Variants in SUN1 observed in about 807,000 individuals in gnomAD.
SUN1 encodes SUN domain-containing protein 1.
In SUN1, 61 loss-of-function variants were observed where a neutral mutation model predicts 103.2. The observed-to-expected ratio is 0.59, with a 90% confidence interval of 0.48 to 0.73. The LOEUF (loss-of-function observed/expected upper bound fraction) is 0.73. Among genes scored for constraint, SUN1 ranks in the 30% least tolerant of loss-of-function variants. The pLI is 0.00. For missense variants in SUN1, 1,052 were observed against 1,034.6 expected (o/e 1.02, Z -0.23); for synonymous variants, 490 against 425.7 (o/e 1.15, Z -1.86).
At chr7:868,167 C>T (rs905929313) in intron 16 of SUN1, among the ~76,000 whole-genome samples, 1 of 152,238 alleles carries the variant, frequency 6.6e-6, no homozygotes, top group Non-Finnish European at 1.5e-5. Flanking sequence ...ATGCGTGTGT[C>T]GTCCTCACAC....
At chr7:815,692 G>T (rs1433838205), upstream of SUN1, among the ~76,000 whole-genome samples, 2 of 152,236 alleles carry the variant, frequency 1.3e-5, no homozygotes, top group African/African-American at 4.8e-5. Context: ...TCCCCAGCAC[G>T]GAGAAGAGAA....
At chr7:818,088 A>G (rs1301499195) in intron 1 of SUN1, among the ~76,000 whole-genome samples, 1 of 151,256 alleles carries the variant, frequency 6.6e-6, no homozygotes, top group Non-Finnish European at 1.5e-5. Context: ...TTTGTTTTTG[A>G]TTGTGCTAAA....
rs776534384 is a variant in SUN1, at chr7:856,312, A to G, written c.1351-46A>G. ...AAGTATGTGGTTTTATGAAAAGTTA[A>G]TATATAACTTATGTGTTTCAGTAGA... is the stretch of plus-strand genomic sequence containing the variant. On this transcript the variant is annotated intron_variant, in intron 11 of 18. Coordinates refer to ENST00000401592, the MANE Select transcript of SUN1 (RefSeq NM_001130965.3). 8 of 1,573,768 alleles carry G rather than the reference A, an allele frequency of 5.1e-6. No homozygotes were observed. In the South Asian group the frequency reaches 5.6e-5, roughly 11 times the overall value.
At position 854,920 on chromosome 7, in the gene SUN1, A is replaced by G; in HGVS notation, c.1264A>G (p.Thr422Ala). ...RDAVGQPPRETDFMAFHQEHE... is the reference protein window; with the variant it reads ...RDAVGQPPREADFMAFHQEHE... ...TTGTTCACTCCTTCTCTTTCCTAAGACTGACTTTATGGCCTTTCACCAAGA... is the reference window on the plus strand; with the variant it reads ...TTGTTCACTCCTTCTCTTTCCTAAGGCTGACTTTATGGCCTTTCACCAAGA... The change falls in exon 11 of 19, where the codon ACT becomes GCT. Residue 422 changes from threonine (T) to alanine (A), a missense_variant and splice_region_variant. Around this residue, in one of 2 missense-constraint regions of SUN1, gnomAD observed 846 missense variants for 774.5 expected, o/e 1.09. Coordinates refer to ENST00000401592, the MANE Select transcript of SUN1 (RefSeq NM_001130965.3). 1 of 1,611,482 alleles carries G rather than the reference A, an allele frequency of 6.2e-7. No individual in the cohort carries two copies. The highest frequency in any genetic ancestry group is 8.5e-7 in the Non-Finnish European group (1 of 1,178,780).
intron 5 of SUN1, chr7:848,603 C>G (rs1228016286): frequency 4.5e-6 from 6 of 1,337,056 alleles, no homozygotes; most frequent in Non-Finnish European, 5.9e-6. Flanking sequence ...GTCAAAAAGC[C>G]ATGAATCAAA....
At position 848,973 on chromosome 7, in the gene SUN1, C is replaced by G. The variant is rs185181406; in HGVS notation, c.659-2411C>G. 4.6e-5 allele frequency among the ~76,000 whole-genome samples: 7 copies of G among 152,252 alleles called. No individual in the cohort carries two copies. In the East Asian group the frequency reaches 1.2e-3, roughly 25 times the overall value. ...TTCAGAACTTTTTTTCTTTTTGAGA[C>G]GGAGTTTCACTCTTGTTGCCCAGGC... is the stretch of plus-strand genomic sequence containing the variant. On this transcript the variant is annotated intron_variant, in intron 5 of 18. Coordinates refer to ENST00000401592, the MANE Select transcript of SUN1 (RefSeq NM_001130965.3).
chr7:852,522 G>C, intron 7 of SUN1, 87 bp from the exon 8 acceptor site: 1 of 1,541,340 alleles, frequency 6.5e-7, no homozygotes, highest in Non-Finnish European at 9.0e-7. Flanking sequence ...GGTGGATTTT[G>C]CACAAAATTA....
rs1843308789 is a variant in SUN1 at position 874,373 on chromosome 7, T to C, written c.*1042T>C. 1.3e-5 allele frequency: 2 copies of C among 152,672 alleles called. No individual in the cohort carries two copies. The highest frequency in any genetic ancestry group is 1.3e-4 in the Admixed American group (2 of 15,286). The allele number at this position is 152,672 out of a possible 1,614,324, so 9.5% of individuals were successfully genotyped here. A position where few individuals can be genotyped will look rare whatever the true frequency, so the allele number is the denominator to read the frequency against. On this transcript the variant is annotated 3_prime_UTR_variant, in exon 19 of 19. Coordinates refer to ENST00000401592, the MANE Select transcript of SUN1 (RefSeq NM_001130965.3). ...TAATTACTATTTAATATTTAGACTA[T>C]TTTACTGAGCAGACTTTATAAATGA...
intron 15 of SUN1, among the ~76,000 whole-genome samples, chr7:862,843 G>GT (rs1833235526): frequency 6.6e-6 from 1 of 152,168 alleles, no homozygotes; most frequent in South Asian, 2.1e-4. Context: ...AAATCCCATG[G>GT]TTTTCCTGTT....
Position 848,808 on chromosome 7 carries a change from G to A in SUN1, c.659-2576G>A, listed in dbSNP as rs531958359. On this transcript the variant is annotated intron_variant, in intron 5 of 18. Transcript: ENST00000401592. Reference sequence around the variant, plus strand: ...GAACTTTTCGTTTGTTCTGTGTGTGGTTTGGTTCCCTCAGAGCTGATCAGT... The same window carrying A: ...GAACTTTTCGTTTGTTCTGTGTGTGATTTGGTTCCCTCAGAGCTGATCAGT... 2.6e-4 allele frequency among the ~76,000 whole-genome samples: 40 copies of A among 152,276 alleles called. No homozygotes were observed. In the Middle Eastern group the frequency reaches 0.014, roughly 52 times the overall value.
chr7:846,201 C>G (rs1015936411), intron 5 of SUN1, among the ~76,000 whole-genome samples: 1 of 151,936 alleles, frequency 6.6e-6, no homozygotes, highest in African/African-American at 2.4e-5. Flanking sequence ...CTCCACCTCC[C>G]GGGCTCAAGC....
At chr7:854,793 C>G (rs1825613049) in intron 10 of SUN1, 127 bp from the exon 11 acceptor site, 4 of 648,584 alleles carry the variant, frequency 6.2e-6, no homozygotes, top group African/African-American at 1.8e-5. Flanking sequence ...CCTTTAGGGT[C>G]CGTGCCACAT....
At position 838,977 on chromosome 7, in the gene SUN1, G is replaced by C. The variant is rs375668872; in HGVS notation, c.257G>C (p.Arg86Pro). The C allele has an allele frequency of 2.8e-4, 451 of 1,584,970 alleles. 5 individuals carry two copies. In the East Asian group the frequency reaches 7.4e-3, roughly 26 times the overall value. Residue 86 changes from arginine (R) to proline (P), a missense_variant, in exon 2 of 19, where the codon CGA (arginine) becomes CCA (proline). Coordinates refer to ENST00000401592, the MANE Select transcript of SUN1 (RefSeq NM_001130965.3). ...GTSSAVSLKN[R>P]AARTTKQRRS... The stretch of plus-strand genomic sequence containing the variant: ...AGCAGCGCTGTCTCCCTGAAGAACC[G>C]AGCGGCCAGGTGAGCACCGCTGCAC...
At chr7:831,068 G>C (rs1293358932), upstream of SUN1, 3 of 947,326 alleles carry the variant, frequency 3.2e-6, no homozygotes, top group Non-Finnish European at 3.8e-6. Context: ...GTTGGTTAAA[G>C]TAGGTAGACA....
rs1584895416 is a variant in SUN1 at position 852,923 on chromosome 7, A to G, written c.1024A>G (p.Thr342Ala). The G allele has an allele frequency of 2.9e-5, 46 of 1,613,776 alleles. No homozygotes were observed. Among genetic ancestry groups the G allele is most frequent in the Non-Finnish European group, 3.9e-5 (46 of 1,179,890 alleles). Residue 342 changes from threonine (T) to alanine (A), a missense_variant, in exon 9 of 19, where the codon ACG (threonine) becomes GCG (alanine). Around this residue, in one of 2 missense-constraint regions of SUN1, gnomAD observed 846 missense variants for 774.5 expected, o/e 1.09. Coordinates refer to ENST00000401592, the MANE Select transcript of SUN1 (RefSeq NM_001130965.3). ...TGACCCCCAGGACGTGTTTAAACCC[A>G]CGACTTCTCGCCTGAAGCAGCCTCT... is the stretch of plus-strand genomic sequence containing the variant. ...VDDPQDVFKP[T>A]TSRLKQPLQG... is the part of the protein sequence containing the mutation.
intron 1 of SUN1, among the ~76,000 whole-genome samples, chr7:834,465 G>A (rs1019516787): frequency 6.6e-6 from 1 of 152,172 alleles, no homozygotes; most frequent in Non-Finnish European, 1.5e-5. Flanking sequence ...CCTCAGGGCT[G>A]GTCTGGACAT....
intron 1 of SUN1, among the ~76,000 whole-genome samples, chr7:819,926 T>G (rs1398248320): frequency 6.6e-6 from 1 of 152,138 alleles, no homozygotes; most frequent in Non-Finnish European, 1.5e-5. Flanking sequence ...CTGGCTGGCC[T>G]TGAACTCCTG....
intron 13 of SUN1, 141 bp from the exon 14 acceptor site, chr7:859,987 A>G (rs1038615106): frequency 1.8e-6 from 2 of 1,135,882 alleles, no homozygotes; most frequent in African/African-American, 3.1e-5. Flanking sequence ...TAAATTTAAT[A>G]TGAAGGAAAA....
At position 872,520 on chromosome 7, in the gene SUN1, G is replaced by T. The variant is rs200378884; in HGVS notation, c.2199G>T (p.Thr733=). The T allele has an allele frequency of 2.2e-5, 36 of 1,603,032 alleles. No homozygotes were observed. In the Middle Eastern group the frequency reaches 5.0e-4, roughly 22 times the overall value. ...QEEGQLLGQF[T]YDQDGESLQM... is the part of the protein sequence containing the mutation. ...AAGGGCAGCTTCTGGGACAGTTCAC[G>T]TATGATCAGGATGGGGAGTCGCTCC... The change falls in exon 18 of 19, where the codon ACG becomes ACT. Residue 733 remains threonine (T), a synonymous_variant. Coordinates refer to ENST00000401592, the MANE Select transcript of SUN1 (RefSeq NM_001130965.3).
Sources: allele counts gnomAD v4.1 joint callset (sites outside exome capture counted in the v4.1 genomes callset), GRCh38; gene constraint gnomAD v4.1.1; regional missense constraint gnomAD v4.1.1; transcripts MANE v1.5; gene names NCBI Gene and HGNC (gene_info 2026-07-23, HGNC 2026-07-21).